GRM8: variants seen among roughly 807,000 people sequenced by gnomAD.
GRM8 encodes the protein glutamate metabotropic receptor 8.
Under a neutral mutation model 87.2 loss-of-function variants are expected in GRM8, and 47 were observed. The ratio of observed to expected loss-of-function variants is 0.54; its 90% CI spans 0.43 to 0.69. The LOEUF (loss-of-function observed/expected upper bound fraction) is 0.69. Among genes scored for constraint, GRM8 ranks in the 30% least tolerant of loss-of-function variants. The pLI, the probability that GRM8 is intolerant of heterozygous loss-of-function variation, is 0.00. For missense variants in GRM8, 1,019 were observed against 1,139.2 expected (o/e 0.89, Z 1.52); for synonymous variants, 396 against 404.5 (o/e 0.98, Z 0.25).
intron 6 of GRM8, among the ~76,000 whole-genome samples, chr7:126,884,257 G>A (rs1412004035): frequency 3.3e-5 from 5 of 151,926 alleles, no homozygotes; most frequent in Non-Finnish European, 5.9e-5. Flanking sequence ...TTCCACAACC[G>A]AGAACTAAAT....
chr7:126,463,265 T>C (rs568619794), intron 9 of GRM8, among the ~76,000 whole-genome samples: 1 of 151,578 alleles, frequency 6.6e-6, no homozygotes, highest in Non-Finnish European at 1.5e-5. Flanking sequence ...TACCTCAGAC[T>C]ACTATGTGAG....
At chr7:126,450,227 A>G (rs775627961) in intron 9 of GRM8, among the ~76,000 whole-genome samples, 4 of 151,800 alleles carry the variant, frequency 2.6e-5, no homozygotes, top group Admixed American at 6.6e-5. Context: ...GCTTTCAACC[A>G]GCTGCCAGTG....
intron 2 of GRM8, among the ~76,000 whole-genome samples, chr7:127,164,175 G>A (rs1793296850): frequency 6.6e-6 from 1 of 152,168 alleles, no homozygotes; most frequent in South Asian, 2.1e-4. Context: ...CTGGCCATGC[G>A]ATGTGCCTGC....
intron 7 of GRM8, among the ~76,000 whole-genome samples, chr7:126,721,239 A>C (rs1812363675): frequency 1.3e-5 from 2 of 151,598 alleles, no homozygotes; most frequent in South Asian, 4.2e-4. Flanking sequence ...TTTGGGTCTA[A>C]TCCTGAATCT....
chr7:126,790,059 G>A (rs186858031), intron 6 of GRM8, among the ~76,000 whole-genome samples: 1 of 151,810 alleles, frequency 6.6e-6, no homozygotes, highest in East Asian at 1.9e-4. Flanking sequence ...CCAGGCTGGA[G>A]TGCAATGGCA....
chr7:126,590,774 A>C (rs1014675210), intron 8 of GRM8, among the ~76,000 whole-genome samples: 1 of 152,200 alleles, frequency 6.6e-6, no homozygotes, highest in African/African-American at 2.4e-5. Flanking sequence ...AGTGAAACTA[A>C]GCTTAATAAA....
intron 3 of GRM8, among the ~76,000 whole-genome samples, chr7:127,093,216 G>T (rs1824325848): frequency 6.6e-6 from 1 of 152,160 alleles, no homozygotes; most frequent in South Asian, 2.1e-4. Flanking sequence ...ACAAGGACAT[G>T]AAAAATGCAA....
intron 2 of GRM8, among the ~76,000 whole-genome samples, chr7:127,223,256 C>A (rs1015377005): frequency 8.6e-5 from 13 of 152,012 alleles, no homozygotes; most frequent in Non-Finnish European, 7.4e-5. Context: ...ATTTCCTCAT[C>A]TATACCTGAA....
intron 2 of GRM8, among the ~76,000 whole-genome samples, chr7:127,132,160 C>T (rs1013992965): frequency 3.9e-5 from 6 of 152,144 alleles, no homozygotes; most frequent in African/African-American, 9.7e-5. Context: ...CAGGGTCTTG[C>T]TTTGTTAGAA....
At chr7:126,607,266 C>T (rs747108188) in intron 8 of GRM8, among the ~76,000 whole-genome samples, 14 of 152,184 alleles carry the variant, frequency 9.2e-5, no homozygotes, top group Non-Finnish European at 1.3e-4. Context: ...TGTGGCCTTA[C>T]GTATCACTAC....
chr7:127,191,511 T>C (rs1210412200), intron 2 of GRM8, among the ~76,000 whole-genome samples: 2 of 152,198 alleles, frequency 1.3e-5, no homozygotes, highest in Non-Finnish European at 2.9e-5. Flanking sequence ...AGGACCTTTT[T>C]CCTGTCTATC....
rs576325829 is a variant in GRM8, at chr7:127,061,108, CT to C, written c.727+45387del. 2.5e-3 allele frequency among the ~76,000 whole-genome samples: 381 copies of C among 152,314 alleles called. 4 individuals carry two copies. The highest frequency in any genetic ancestry group is 8.8e-3 in the African/African-American group (367 of 41,556). ...TCTTTCTGTCCCCATAGCTTTTCTTCTACTTCTTTAGGACTCCTAAGATTCA... is the reference window on the plus strand; with the variant it reads ...TCTTTCTGTCCCCATAGCTTTTCTTCACTTCTTTAGGACTCCTAAGATTCA... On this transcript the variant is annotated intron_variant, in intron 3 of 10. Transcript: ENST00000339582.
intron 10 of GRM8, among the ~76,000 whole-genome samples, chr7:126,441,853 G>T (rs964184577): frequency 7.2e-5 from 11 of 151,844 alleles, no homozygotes; most frequent in Non-Finnish European, 1.3e-4. Context: ...TTATTTCATT[G>T]AATATTATGA....
At chr7:127,131,379 A>G (rs1319060391) in intron 2 of GRM8, among the ~76,000 whole-genome samples, 1 of 152,226 alleles carries the variant, frequency 6.6e-6, no homozygotes, top group African/African-American at 2.4e-5. Context: ...AGACCAAGGG[A>G]CAGACAACAA....
At chr7:126,842,994 G>GA (rs537162803) in intron 6 of GRM8, among the ~76,000 whole-genome samples, 3 of 152,112 alleles carry the variant, frequency 2.0e-5, no homozygotes, top group South Asian at 4.1e-4. Context: ...GAATTGGAAG[G>GA]AAAAAAATTA....
chr7:126,445,844 G>A (rs149677875), intron 10 of GRM8, among the ~76,000 whole-genome samples: 2,055 of 152,064 alleles, frequency 0.014, 15 homozygotes, highest in Non-Finnish European at 0.022. Context: ...AGAAGATGAC[G>A]CTTTCAAATA....
chr7:126,836,945 T>C (rs928858222), intron 6 of GRM8, among the ~76,000 whole-genome samples: 7 of 152,170 alleles, frequency 4.6e-5, no homozygotes, highest in Non-Finnish European at 1.0e-4. Flanking sequence ...ATCCAATTTC[T>C]CTGAGCTTTA....
intron 3 of GRM8, among the ~76,000 whole-genome samples, chr7:126,910,249 G>A (rs1214115765): frequency 6.6e-6 from 1 of 152,000 alleles, no homozygotes; most frequent in Non-Finnish European, 1.5e-5. Flanking sequence ...CTTTCATACT[G>A]CAGCAATCAT....
At position 127,107,082 on chromosome 7, in the gene GRM8, C is replaced by G. The variant is rs181046621; in HGVS notation, c.511-370G>C. ...GAGAGAAAAATGAAGGCATATACAT[C>G]AGAAAAGGTCACCTCTGAAACTGGC... On this transcript the variant is annotated intron_variant, in intron 2 of 10. Coordinates refer to ENST00000339582, the MANE Select transcript of GRM8 (RefSeq NM_000845.3). Among the ~76,000 whole-genome samples, 19 of 152,284 alleles carry G rather than the reference C, an allele frequency of 1.2e-4. 1 individual carries two copies. The East Asian group carries it at 3.7e-3, about 29-fold the overall frequency.
Sources: gnomAD v4.1 joint callset for allele counts (sites outside exome capture counted in the v4.1 genomes callset) on GRCh38, gnomAD v4.1.1 for gene constraint, MANE v1.5 for transcripts, NCBI Gene and HGNC (gene_info 2026-07-23, HGNC 2026-07-21) for gene names.